Variants in CLIP1 observed in about 807,000 individuals in gnomAD.
CLIP1 encodes the protein CAP-Gly domain containing linker protein 1.
A neutral mutation model predicts 161.6 loss-of-function variants in CLIP1; 66 were observed. The observed-to-expected ratio is 0.41, with a 90% CI of 0.33 to 0.50. The LOEUF is 0.50. Ranked by LOEUF, CLIP1 falls within the 20% of genes least tolerant of loss-of-function variation. The pLI is 0.27. For synonymous variants in CLIP1, 598 were observed against 626.2 expected, an observed-to-expected ratio of 0.96 and a Z score of 0.67; for missense variants, 1,376 against 1,702.0, an observed-to-expected ratio of 0.81 and a Z score of 3.37.
At chr12:122,356,507 C>G (rs891787248) in intron 5 of CLIP1, among the ~76,000 whole-genome samples, 1 of 152,158 alleles carries the variant, frequency 6.6e-6, no homozygotes, top group African/African-American at 2.4e-5. Context: ...GATGAGAAAT[C>G]AGATTCCAAG....
rs554923908 is a variant in CLIP1, at chr12:122,422,107, G to C, written c.-107+414C>G. On this transcript the variant is annotated intron_variant, in intron 1 of 25. Transcript: ENST00000620786. The stretch of plus-strand genomic sequence containing the variant: ...GACAGGCGCGGCGCCCGGGGCAACA[G>C]GTCCCGCCCGGCTTCGGCCTCCCGG... Among the ~76,000 whole-genome samples, 216 of 152,276 alleles carry C rather than the reference G, an allele frequency of 1.4e-3. 1 individual carries two copies. The highest frequency in any genetic ancestry group is 5.0e-3 in the African/African-American group (208 of 41,576).
intron 19 of CLIP1, among the ~76,000 whole-genome samples, chr12:122,313,009 C>T (rs891877417): frequency 2.6e-5 from 4 of 152,238 alleles, no homozygotes; most frequent in South Asian, 4.1e-4. Flanking sequence ...GTCCTCTTAC[C>T]GCAGAAGGCC....
At chr12:122,295,782 G>A (rs560395007) in intron 20 of CLIP1, among the ~76,000 whole-genome samples, 10 of 152,152 alleles carry the variant, frequency 6.6e-5, no homozygotes, top group Non-Finnish European at 1.5e-4. Context: ...CATGTATTTC[G>A]GGACTCTGTT....
intron 20 of CLIP1, among the ~76,000 whole-genome samples, chr12:122,301,274 T>G (rs1391251367): frequency 6.6e-6 from 1 of 152,250 alleles, no homozygotes; most frequent in Admixed American, 6.5e-5. Context: ...CTGAATTTCA[T>G]GACTGCACTG....
intron 4 of CLIP1, 106 bp downstream of exon 4, chr12:122,363,877 C>T (rs929916046): frequency 1.3e-6 from 2 of 1,493,264 alleles, no homozygotes; most frequent in Non-Finnish European, 1.8e-6. Context: ...AAAAGTGCCA[C>T]TCTTCCAAAC....
intron 21 of CLIP1, among the ~76,000 whole-genome samples, chr12:122,283,780 C>G (rs1955741371): frequency 6.6e-6 from 1 of 152,112 alleles, no homozygotes. Flanking sequence ...CAGTTTAATC[C>G]TACAGTTGGG....
chr12:122,385,038 T>A lies in CLIP1; in HGVS notation c.-106-4480A>T, dbSNP rs182424095. ...ACCTCTGCCTCCCAGGTTCAAGCGA[T>A]TCTCCTGCCTCAGACTCATGAGTAG... On this transcript the variant is annotated intron_variant, in intron 1 of 25. Transcript: ENST00000620786. Among the ~76,000 whole-genome samples, 436 of 151,322 alleles carry A rather than the reference T, an allele frequency of 2.9e-3. 2 individuals are homozygous for A. The highest frequency in any genetic ancestry group is 0.01 in the African/African-American group (419 of 41,252).
Position 122,352,801 on chromosome 12 carries a change from C to T in CLIP1, c.1308-15G>A. The T allele has an allele frequency of 6.2e-7, 1 of 1,605,760 alleles. No homozygotes were observed. The highest frequency in any genetic ancestry group is 1.1e-5 in the South Asian group (1 of 90,900). ...CCTCAACCTTCCTGTGGAATAAAAC[C>T]CAAACAAAACACTTAAGAAACTAAG... On this transcript the variant is annotated splice_polypyrimidine_tract_variant and intron_variant, in intron 7 of 25. Transcript: ENST00000620786.
At chr12:122,337,208 G>A (rs1952269580) in intron 11 of CLIP1, among the ~76,000 whole-genome samples, 2 of 152,026 alleles carry the variant, frequency 1.3e-5, no homozygotes, top group African/African-American at 4.8e-5. Context: ...AACACTTTGG[G>A]AGGCTGAGGC....
intron 2 of CLIP1, 143 bp from the exon 3 acceptor site, chr12:122,378,103 T>G (rs1017114724): frequency 2.8e-6 from 2 of 721,134 alleles, no homozygotes; most frequent in Non-Finnish European, 4.5e-6. Flanking sequence ...TTTTTTGTTC[T>G]TTTGAGACAG....
Position 122,327,973 on chromosome 12 carries a change from G to A in CLIP1, c.3223C>T (p.Leu1075=), listed in dbSNP as rs755286283. 1 of 1,614,030 alleles carries A rather than the reference G, an allele frequency of 6.2e-7. No homozygotes were observed. The highest frequency in any genetic ancestry group is 1.7e-5 in the Admixed American group (1 of 60,002). The part of the protein sequence containing the change: ...NSGLLQELEE[L]RKQADKAKAA... ...TTGGCTTTGTCGGCTTGCTTTCTCA[G>A]CTCCTCCAGCTCCTGCAGCAAGCCA... Residue 1075 remains leucine (L), a synonymous_variant, in exon 17 of 26, where the codon CTG becomes TTG. Transcript: ENST00000620786.
rs10661606 is a variant in CLIP1 at position 122,379,944 on chromosome 12, T to TAAAAA, written c.85+419_85+423dup. ...GGGGAATAGAGCAAGACTCCATCTT[T>TAAAAA]AAAAAAAAAAAAAAAAAATGCAAGG... On this transcript the variant is annotated intron_variant, in intron 2 of 25. Transcript: ENST00000620786. Among the ~76,000 whole-genome samples, 391 of 99,682 alleles carry TAAAAA rather than the reference T, an allele frequency of 3.9e-3. 14 individuals carry two copies. Among genetic ancestry groups the TAAAAA allele is most frequent in the East Asian group, 6.5e-3 (14 of 2,162 alleles). 65.4% of individuals were successfully genotyped at this position (99,682 alleles called of 152,430 possible). A position where few individuals can be genotyped will look rare whatever the true frequency, so the allele number is the denominator to read the frequency against.
chr12:122,347,253 A>T (rs1311121401), intron 10 of CLIP1, 122 bp downstream of exon 10: 2 of 657,886 alleles, frequency 3.0e-6, no homozygotes, highest in Non-Finnish European at 5.5e-6. Context: ...CCTGAATGGT[A>T]CCAAGACCAA....
In CLIP1 at chr12:122,288,477, C is replaced by G. The variant is rs774576523; in HGVS notation, c.3647+12G>C. The stretch of plus-strand genomic sequence containing the variant: ...AAACACACACACATACAACAATAAA[C>G]AGAAAGCTTACCTTTTTTTCATTTC... On this transcript the variant is annotated intron_variant, in intron 21 of 25. Transcript: ENST00000620786. The G allele has an allele frequency of 6.2e-7, 1 of 1,602,750 alleles. No homozygotes were observed. Among genetic ancestry groups the G allele is most frequent in the Admixed American group, 1.7e-5 (1 of 59,716 alleles).
rs1462214580 is a variant in CLIP1, at chr12:122,377,864, C to T, written c.182G>A (p.Gly61Glu). The change falls in exon 3 of 26, where the codon GGG becomes GAG. Residue 61 changes from glycine to glutamate, a missense_variant. Physicochemically the swap from Gly to Glu is moderately conservative, Grantham distance 98. Around this residue, in one of 6 missense-constraint regions of CLIP1, gnomAD observed 27 missense variants for 64.1 expected, o/e 0.42. Coordinates refer to ENST00000620786, the MANE Select transcript of CLIP1 (RefSeq NM_001247997.2). ...ATTTCCATTCACCCAAACTCGCTCC[C>T]CAACTCGAAAGTCATCCACAAATTC... ...QEEFVDDFRV[G>E]ERVWVNGNKP... 2 of 1,613,884 alleles carry T rather than the reference C, an allele frequency of 1.2e-6. No homozygotes were observed. The highest frequency in any genetic ancestry group is 1.7e-6 in the Non-Finnish European group (2 of 1,180,026).
Position 122,372,411 on chromosome 12 carries a change from G to A in CLIP1, c.657+4978C>T, listed in dbSNP as rs898359653. Reference sequence around the variant, plus strand: ...GCCTGGGCGACAAGAGTGAAACCTGGTCTAAAGAAAAAAAAAAAAAATTAG... The same window carrying A: ...GCCTGGGCGACAAGAGTGAAACCTGATCTAAAGAAAAAAAAAAAAAATTAG... On this transcript the variant is annotated intron_variant, in intron 3 of 25. Transcript: ENST00000620786. Among the ~76,000 whole-genome samples, 8 of 149,064 alleles carry A rather than the reference G, an allele frequency of 5.4e-5. 1 individual carries two copies. The highest frequency in any genetic ancestry group is 4.7e-4 in the Admixed American group (7 of 14,946).
intron 1 of CLIP1, among the ~76,000 whole-genome samples, chr12:122,390,279 C>CATATATATATATATATACACACATATAT (rs1955578320): frequency 6.3e-5 from 5 of 78,984 alleles, no homozygotes; most frequent in African/African-American, 1.9e-4. Context: ...TATATATATA[C>CATATATATATATATATACACACATATAT]ATATATATAT....
intron 15 of CLIP1, among the ~76,000 whole-genome samples, chr12:122,329,685 G>A (rs999386070): frequency 2.0e-5 from 3 of 149,974 alleles, no homozygotes; most frequent in Non-Finnish European, 4.4e-5. Flanking sequence ...TAAAGGAAAT[G>A]AATGTTTCAA....
intron 12 of CLIP1, among the ~76,000 whole-genome samples, chr12:122,335,278 G>A (rs578143185): frequency 6.6e-6 from 1 of 152,196 alleles, no homozygotes; most frequent in South Asian, 2.1e-4. Flanking sequence ...ACATCAAGAA[G>A]GTTGTTACAT....
Sources: gnomAD v4.1 joint callset for allele counts (sites outside exome capture counted in the v4.1 genomes callset) on GRCh38, gnomAD v4.1.1 for gene constraint, gnomAD v4.1.1 regional missense constraint, MANE v1.5 for transcripts, NCBI Gene and HGNC (gene_info 2026-07-23, HGNC 2026-07-21) for gene names.